PBX3: variants seen among roughly 807,000 people sequenced by gnomAD.
The protein encoded by PBX3 is PBX homeobox 3, also known as pre-B-cell leukemia transcription factor 3.
A neutral mutation model predicts 48.5 loss-of-function variants in PBX3; 14 were observed. The ratio of observed to expected loss-of-function variants is 0.29; its 90% CI spans 0.19 to 0.45. PBX3 has a LOEUF of 0.45. Among genes scored for constraint, PBX3 ranks in the 20% least tolerant of loss-of-function variants. The pLI is 1.00. For missense variants in PBX3, 386 were observed against 546.7 expected (o/e 0.71, Z 2.93); for synonymous variants, 210 against 200.3 (o/e 1.05, Z -0.41).
At chr9:125,824,907 T>G (rs1401419017) in intron 2 of PBX3, among the ~76,000 whole-genome samples, 1 of 152,206 alleles carries the variant, frequency 6.6e-6, no homozygotes, top group Non-Finnish European at 1.5e-5. Context: ...CATTTAATCC[T>G]TGTATCAACT....
In PBX3 at chr9:125,874,644, C is replaced by T. The variant is rs183491657; in HGVS notation, c.275-41042C>T. On this transcript the variant is annotated intron_variant, in intron 2 of 8. Coordinates refer to ENST00000373489, the MANE Select transcript of PBX3 (RefSeq NM_006195.6). ...TTTTGAAGTGCACGTGGATTATTCA[C>T]TAAGATAGAATACATTAAATGAATC... is the stretch of plus-strand genomic sequence containing the variant. 6.4e-4 allele frequency among the ~76,000 whole-genome samples: 98 copies of T among 152,260 alleles called. No individual in the cohort carries two copies. The South Asian group carries it at 6.8e-3, about 11-fold the overall frequency.
intron 6 of PBX3, among the ~76,000 whole-genome samples, chr9:125,961,099 G>C (rs1045848252): frequency 6.6e-6 from 1 of 152,180 alleles, no homozygotes; most frequent in African/African-American, 2.4e-5. Flanking sequence ...GTGGCTTTCA[G>C]TTCAGTAATT....
chr9:125,863,402 G>T (rs949327880), intron 2 of PBX3, among the ~76,000 whole-genome samples: 1 of 151,802 alleles, frequency 6.6e-6, no homozygotes, highest in Non-Finnish European at 1.5e-5. Context: ...AGTAGAGATG[G>T]GGTTTCACCA....
chr9:125,833,235 C>T (rs1348775201), intron 2 of PBX3, among the ~76,000 whole-genome samples: 1 of 152,128 alleles, frequency 6.6e-6, no homozygotes, highest in African/African-American at 2.4e-5. Flanking sequence ...CCTGTAATCC[C>T]AGCACTTTGG....
At chr9:125,909,118 T>C (rs981771889) in intron 2 of PBX3, among the ~76,000 whole-genome samples, 2 of 152,156 alleles carry the variant, frequency 1.3e-5, no homozygotes, top group Non-Finnish European at 2.9e-5. Context: ...AACTCTTCTT[T>C]CCGCATTTTT....
intron 2 of PBX3, among the ~76,000 whole-genome samples, chr9:125,914,674 A>C (rs1337336451): frequency 6.6e-6 from 1 of 152,258 alleles, no homozygotes; most frequent in Non-Finnish European, 1.5e-5. Context: ...TTCCCCAAGA[A>C]GCCTTGTAAC....
chr9:125,752,062 G>GA (rs1046617783), intron 2 of PBX3, among the ~76,000 whole-genome samples: 3 of 151,900 alleles, frequency 2.0e-5, no homozygotes, highest in South Asian at 2.1e-4. Flanking sequence ...TGTTATGCAT[G>GA]AAAAAAAATA....
chr9:125,807,171 T>G (rs1470622868), intron 2 of PBX3, among the ~76,000 whole-genome samples: 1 of 151,894 alleles, frequency 6.6e-6, no homozygotes, highest in Non-Finnish European at 1.5e-5. Flanking sequence ...AAAAAGTACA[T>G]AAATTAGTTG....
chr9:125,873,023 C>T (rs1840164570), intron 2 of PBX3, among the ~76,000 whole-genome samples: 1 of 151,630 alleles, frequency 6.6e-6, no homozygotes, highest in Non-Finnish European at 1.5e-5. Flanking sequence ...CACTGTGAAA[C>T]CCCGTCTCTA....
chr9:125,762,016 A>G (rs1035670876), intron 2 of PBX3, among the ~76,000 whole-genome samples: 1 of 152,214 alleles, frequency 6.6e-6, no homozygotes, highest in Admixed American at 6.5e-5. Flanking sequence ...TCAGTATAGG[A>G]CATATGATTA....
At chr9:125,821,296 A>G (rs953378849) in intron 2 of PBX3, among the ~76,000 whole-genome samples, 3 of 152,184 alleles carry the variant, frequency 2.0e-5, no homozygotes, top group African/African-American at 7.2e-5. Flanking sequence ...ATACAACCAC[A>G]GATACTAGAG....
In PBX3 at chr9:125,780,505, G is replaced by C. The variant is rs547502819; in HGVS notation, c.274+31882G>C. On this transcript the variant is annotated intron_variant, in intron 2 of 8. Transcript: ENST00000373489. ...TCCCTCCCGGACGGGGCGTCTGGCC[G>C]GGTGGGGGGCTAACTCCCCCACCTC... is the stretch of plus-strand genomic sequence containing the variant. 7.2e-4 allele frequency among the ~76,000 whole-genome samples: 97 copies of C among 135,570 alleles called. 1 individual carries two copies. Among genetic ancestry groups the C allele is most frequent in the Non-Finnish European group, 6.9e-4 (43 of 62,590 alleles). The allele number at this position is 135,570 out of a possible 152,430, so 88.9% of individuals were successfully genotyped here. A position where few individuals can be genotyped will look rare whatever the true frequency, so the allele number is the denominator to read the frequency against.
At chr9:125,781,267 C>T (rs982590169) in intron 2 of PBX3, among the ~76,000 whole-genome samples, 9 of 151,652 alleles carry the variant, frequency 5.9e-5, no homozygotes, top group African/African-American at 1.5e-4. Context: ...TCTGTAATCC[C>T]GGCACCTCGG....
intron 2 of PBX3, among the ~76,000 whole-genome samples, chr9:125,905,795 A>C (rs566448586): frequency 6.6e-6 from 1 of 152,118 alleles, no homozygotes; most frequent in South Asian, 2.1e-4. Context: ...TGTTTTGATT[A>C]TATTTCTAAG....
At chr9:125,826,093 T>G (rs1435500117) in intron 2 of PBX3, among the ~76,000 whole-genome samples, 1 of 152,182 alleles carries the variant, frequency 6.6e-6, no homozygotes, top group Non-Finnish European at 1.5e-5. Context: ...GAACATTTAA[T>G]TCCAGGAGAA....
At position 125,782,407 on chromosome 9, in the gene PBX3, A is replaced by ATCATC. The variant is rs372780305; in HGVS notation, c.274+33786_274+33790dup. On this transcript the variant is annotated intron_variant, in intron 2 of 8. Coordinates refer to ENST00000373489, the MANE Select transcript of PBX3 (RefSeq NM_006195.6). ...TTGGGTAGGGACACAGCCAAACCAT[A>ATCATC]TCATCTGGTTTTGCCCACCTAGTTT... is the stretch of plus-strand genomic sequence containing the variant. Among the ~76,000 whole-genome samples, 215 of 152,250 alleles carry ATCATC rather than the reference A, an allele frequency of 1.4e-3. 2 individuals are homozygous for ATCATC. Among genetic ancestry groups the ATCATC allele is most frequent in the African/African-American group, 4.7e-3 (195 of 41,536 alleles).
intron 3 of PBX3, among the ~76,000 whole-genome samples, chr9:125,917,906 T>C (rs1841369101): frequency 6.6e-6 from 1 of 152,212 alleles, no homozygotes; most frequent in Non-Finnish European, 1.5e-5. Context: ...GGAAAAATTA[T>C]CGTGTGTATG....
chr9:125,939,653 A>C (rs1300450385), intron 5 of PBX3, among the ~76,000 whole-genome samples: 2 of 152,206 alleles, frequency 1.3e-5, no homozygotes, highest in African/African-American at 4.8e-5. Context: ...TTGAAATGGC[A>C]AAAAATTTGA....
At chr9:125,846,141 T>C (rs751147352) in intron 2 of PBX3, among the ~76,000 whole-genome samples, 10 of 152,104 alleles carry the variant, frequency 6.6e-5, no homozygotes, top group Non-Finnish European at 1.5e-4. Flanking sequence ...TCTACTCATG[T>C]TTTAATTTTC....
Sources: gnomAD v4.1 joint callset for allele counts (sites outside exome capture counted in the v4.1 genomes callset) on GRCh38, gnomAD v4.1.1 for gene constraint, MANE v1.5 for transcripts, NCBI Gene and HGNC (gene_info 2026-07-23, HGNC 2026-07-21) for gene names.